Variants in MLLT3 observed in about 807,000 individuals in gnomAD.
The protein encoded by MLLT3 is MLLT3 super elongation complex subunit.
In MLLT3, 4 loss-of-function variants were observed where a neutral mutation model predicts 53.2. The observed-to-expected ratio is 0.08, with a 90% CI of 0.04 to 0.17. The LOEUF is 0.17. Ranked by LOEUF, MLLT3 falls within the 10% of genes least tolerant of loss-of-function variation. The pLI, the probability that MLLT3 is intolerant of heterozygous loss-of-function variation, is 1.00. For synonymous variants in MLLT3, 283 were observed against 230.6 expected (o/e 1.23, Z -2.06); for missense variants, 569 against 684.0 (o/e 0.83, Z 1.87).
chr9:20,362,428 G>C (rs1352573057), intron 7 of MLLT3, among the ~76,000 whole-genome samples: 1 of 152,116 alleles, frequency 6.6e-6, no homozygotes, highest in Admixed American at 6.5e-5. Flanking sequence ...TCCATTTTGA[G>C]GTCTTTTTTC....
At chr9:20,413,053 T>C (rs80109557) in intron 5 of MLLT3, among the ~76,000 whole-genome samples, 4,804 of 152,248 alleles carry the variant, frequency 0.032, 254 homozygotes, top group African/African-American at 0.11. Context: ...AAACTTGTAG[T>C]GAATGAAGAT....
chr9:20,528,194 C>G (rs1363173983), intron 2 of MLLT3, among the ~76,000 whole-genome samples: 2 of 152,198 alleles, frequency 1.3e-5, no homozygotes, highest in African/African-American at 4.8e-5. Context: ...TTATCTCAAT[C>G]ACATTAAGAT....
intron 5 of MLLT3, among the ~76,000 whole-genome samples, chr9:20,367,198 T>A (rs550134906): frequency 6.6e-6 from 1 of 152,344 alleles, no homozygotes; most frequent in African/African-American, 2.4e-5. Flanking sequence ...ATTCTCCTTA[T>A]CCTTTTCTAA....
chr9:20,530,456 C>T (rs150432425), intron 2 of MLLT3, among the ~76,000 whole-genome samples: 2 of 152,290 alleles, frequency 1.3e-5, no homozygotes, highest in African/African-American at 4.8e-5. Context: ...TCAAAATGTT[C>T]AGAGCTTAAA....
chr9:20,451,686 A>C lies in MLLT3; in HGVS notation c.277-3420T>G, dbSNP rs145548691. On this transcript the variant is annotated intron_variant, in intron 3 of 10. Coordinates refer to ENST00000380338, the MANE Select transcript of MLLT3 (RefSeq NM_004529.4). ...ATGAGAAAGCATGTGCTTGCTCTCT[A>C]TATATAAATAATACATTTCCTAGAG... Among the ~76,000 whole-genome samples the C allele has an allele frequency of 3.4e-3, 516 of 152,310 alleles. 4 individuals carry two copies. Among genetic ancestry groups the C allele is most frequent in the African/African-American group, 0.01 (433 of 41,568 alleles).
rs1028008121 is a variant in MLLT3, at chr9:20,345,846, G to A, written c.*597C>T. The A allele has an allele frequency of 8.8e-6, 2 of 226,068 alleles. No individual in the cohort carries two copies. Among genetic ancestry groups the A allele is most frequent in the South Asian group, 1.8e-4 (1 of 5,446 alleles). The allele number at this position is 226,068 out of a possible 1,614,324, so 14.0% of individuals were successfully genotyped here. The stretch of plus-strand genomic sequence containing the variant: ...TCCTGGAACTGGAAAAACAAAAGGT[G>A]GAAAATACAGACTGCAACGAGTTAA... On this transcript the variant is annotated 3_prime_UTR_variant, in exon 11 of 11. Coordinates refer to ENST00000380338, the MANE Select transcript of MLLT3 (RefSeq NM_004529.4).
intron 4 of MLLT3, among the ~76,000 whole-genome samples, chr9:20,425,759 T>C (rs1823125267): frequency 6.6e-6 from 1 of 151,968 alleles, no homozygotes; most frequent in African/African-American, 2.4e-5. Context: ...ATATTTATAA[T>C]TGAGAAATAG....
Position 20,620,955 on chromosome 9 carries a change from C to G in MLLT3, c.13-121G>C. ...ACGCACATAAAAGGAAACGGCGGTG[C>G]CCTCTGCATCCACGTTTCACGCGCG... On this transcript the variant is annotated intron_variant, in intron 1 of 10. Coordinates refer to ENST00000380338, the MANE Select transcript of MLLT3 (RefSeq NM_004529.4). The surrounding 1 kb of genome is among the most constrained non-coding windows in gnomAD (Gnocchi z 6.1). 1 of 1,123,118 alleles carries G rather than the reference C, an allele frequency of 8.9e-7. No individual in the cohort carries two copies. The highest frequency in any genetic ancestry group is 1.3e-6 in the Non-Finnish European group (1 of 765,184). The allele number at this position is 1,123,118 out of a possible 1,614,324, so 69.6% of individuals were successfully genotyped here.
In MLLT3 at chr9:20,448,295, A is replaced by G. The variant is rs1184644093; in HGVS notation, c.277-29T>C. On this transcript the variant is annotated intron_variant, in intron 3 of 10. Transcript: ENST00000380338. This position sits in a 1 kb window ranked among gnomAD's most constrained non-coding sequence, Gnocchi z 4.0. ...GAGGTTAACAAAAATTATGAAAGAAAAAAGAGAGTGAGGCATAAGTGAAAT... is the reference window on the plus strand; with the variant it reads ...GAGGTTAACAAAAATTATGAAAGAAGAAAGAGAGTGAGGCATAAGTGAAAT... 1 of 1,607,794 alleles carries G rather than the reference A, an allele frequency of 6.2e-7. No individual in the cohort carries two copies. Among genetic ancestry groups the G allele is most frequent in the Non-Finnish European group, 8.5e-7 (1 of 1,177,392 alleles).
intron 2 of MLLT3, among the ~76,000 whole-genome samples, chr9:20,614,415 G>T (rs956270611): frequency 7.2e-6 from 1 of 138,260 alleles, no homozygotes; most frequent in African/African-American, 2.6e-5. Flanking sequence ...AAGGAAGGAA[G>T]GAAAGGAGGG....
At chr9:20,444,206 C>T (rs1823631594) in intron 4 of MLLT3, among the ~76,000 whole-genome samples, 1 of 152,110 alleles carries the variant, frequency 6.6e-6, no homozygotes, top group South Asian at 2.1e-4. Context: ...GATCATAAGC[C>T]TTTTAATCTT....
chr9:20,402,519 T>C (rs1822480901), intron 5 of MLLT3, among the ~76,000 whole-genome samples: 1 of 152,040 alleles, frequency 6.6e-6, no homozygotes, highest in South Asian at 2.1e-4. Context: ...TTTCGTCCGC[T>C]GAGAACAGCA....
intron 2 of MLLT3, among the ~76,000 whole-genome samples, chr9:20,594,618 G>A (rs750931701): frequency 6.6e-6 from 1 of 152,120 alleles, no homozygotes; most frequent in Admixed American, 6.6e-5. Flanking sequence ...ACAAAAGGTT[G>A]GCACAAGACA....
At chr9:20,526,225 T>C (rs961742168) in intron 2 of MLLT3, among the ~76,000 whole-genome samples, 11 of 152,080 alleles carry the variant, frequency 7.2e-5, no homozygotes, top group African/African-American at 2.7e-4. Context: ...TACAGAAAAG[T>C]GCAATGATAA....
At position 20,360,984 on chromosome 9, in the gene MLLT3, G is replaced by T. The variant is rs115254666; in HGVS notation, c.1332-143C>A. 2.8e-3 allele frequency: 1,964 copies of T among 691,912 alleles called. 20 individuals carry two copies. The African/African-American group carries it at 0.029, about 10-fold the overall frequency. 42.9% of individuals were successfully genotyped at this position (691,912 alleles called of 1,614,324 possible). On this transcript the variant is annotated intron_variant, in intron 7 of 10. Transcript: ENST00000380338. ...AACTCACAGCCGCTAACACATATTG[G>T]TGCTTACTTTGTAACTGGAACTGTG...
At chr9:20,352,201 G>A (rs544721448) in intron 10 of MLLT3, among the ~76,000 whole-genome samples, 2 of 152,182 alleles carry the variant, frequency 1.3e-5, no homozygotes, top group Non-Finnish European at 2.9e-5. Context: ...CTTTCTTTGT[G>A]AAGATGTCCC....
At chr9:20,377,912 C>G (rs1441578638) in intron 5 of MLLT3, among the ~76,000 whole-genome samples, 1 of 152,066 alleles carries the variant, frequency 6.6e-6, no homozygotes, top group Non-Finnish European at 1.5e-5. Context: ...GAAACAAGGA[C>G]TACTGATAGT....
intron 2 of MLLT3, among the ~76,000 whole-genome samples, chr9:20,502,662 G>T (rs879045777): frequency 6.6e-6 from 1 of 152,174 alleles, no homozygotes; most frequent in African/African-American, 2.4e-5. Flanking sequence ...GTATACAGGA[G>T]AATGTGCATA....
chr9:20,411,857 T>C (rs1822736441), intron 5 of MLLT3: 1 of 152,210 alleles, frequency 6.6e-6, no homozygotes, highest in Non-Finnish European at 1.5e-5. Flanking sequence ...GAAAGAGCTT[T>C]CAATGATGCT....
Sources: allele counts gnomAD v4.1 joint callset (sites outside exome capture counted in the v4.1 genomes callset), GRCh38; gene constraint gnomAD v4.1.1; non-coding constraint Gnocchi (gnomAD v3.1); transcripts MANE v1.5; gene names NCBI Gene and HGNC (gene_info 2026-07-23, HGNC 2026-07-21).